Variants in OCM observed in about 807,000 individuals in gnomAD.
The protein encoded by OCM is oncomodulin.
OCM carries 18 observed loss-of-function variants against 14.1 expected under a neutral mutation model. That is an observed-to-expected ratio of 1.28 (90% CI 0.88 to 1.89). The LOEUF is 1.89. Among genes scored for constraint, OCM ranks in the 40% most tolerant of loss-of-function variants. The pLI, the probability that OCM is intolerant of heterozygous loss-of-function variation, is 0.00. For synonymous variants in OCM, 48 were observed against 51.0 expected, an observed-to-expected ratio of 0.94 and a Z score of 0.25; for missense variants, 140 against 137.6, an observed-to-expected ratio of 1.02 and a Z score of -0.09.
chr7:5,877,365 G>C (rs1781114991), upstream of OCM, among the ~76,000 whole-genome samples: 6 of 151,668 alleles, frequency 4.0e-5, no homozygotes, highest in Admixed American at 3.9e-4. Context: ...CCTCCTGGGA[G>C]GCTGAGCTGG....
At chr7:5,871,632 G>A in the OCM span, 2 of 152,146 alleles carry the variant, frequency 1.3e-5, no homozygotes, top group East Asian at 3.8e-4. Context: ...TGTGAGACCT[G>A]TAGTCTTCAG....
At chr7:5,868,789 A>G in the OCM span, among the ~76,000 whole-genome samples, 1 of 152,136 alleles carries the variant, frequency 6.6e-6, no homozygotes, top group Non-Finnish European at 1.5e-5. Context: ...CAGGCCGAGC[A>G]CGGTGGCTGA....
the OCM span, among the ~76,000 whole-genome samples, chr7:5,874,396 A>C: frequency 6.6e-6 from 1 of 151,490 alleles, no homozygotes; most frequent in South Asian, 2.1e-4. Flanking sequence ...CATTACATAA[A>C]TATGCAAATA....
intron 1 of OCM, among the ~76,000 whole-genome samples, chr7:5,881,212 G>A (rs1215973332): frequency 2.0e-5 from 3 of 151,506 alleles, no homozygotes; most frequent in South Asian, 2.1e-4. Context: ...CCAGCTACTC[G>A]GGAGGCTGAG....
chr7:5,885,939 G>C, intron 3 of OCM, 125 bp from the exon 4 acceptor site: 2 of 839,642 alleles, frequency 2.4e-6, no homozygotes, highest in Non-Finnish European at 4.0e-6. Flanking sequence ...CCTCCAAGGG[G>C]GCCATGCCCA....
the OCM span, among the ~76,000 whole-genome samples, chr7:5,871,176 C>A: frequency 1.1e-4 from 17 of 151,538 alleles, no homozygotes; most frequent in East Asian, 2.7e-3. Context: ...GTGAGAGCCC[C>A]CCCCCCGTCT....
upstream of OCM, among the ~76,000 whole-genome samples, chr7:5,877,822 A>C: frequency 2.7e-5 from 1 of 37,068 alleles, no homozygotes; most frequent in East Asian, 4.7e-4. Flanking sequence ...TCCATCTCAA[A>C]AAAAAAAAAA....
the OCM span, among the ~76,000 whole-genome samples, chr7:5,869,044 C>A: frequency 6.6e-6 from 1 of 152,076 alleles, no homozygotes; most frequent in Admixed American, 6.5e-5. Context: ...GCCTGGGCAA[C>A]AGAGTGAGAC....
the OCM span, among the ~76,000 whole-genome samples, chr7:5,861,267 C>G: frequency 7.9e-4 from 120 of 152,046 alleles, no homozygotes; most frequent in Middle Eastern, 0.01. Context: ...ACTAAAAATA[C>G]AAAATTAGCC....
At chr7:5,869,946 G>A in the OCM span, among the ~76,000 whole-genome samples, 1 of 152,136 alleles carries the variant, frequency 6.6e-6, no homozygotes, top group Non-Finnish European at 1.5e-5. Flanking sequence ...AAACTGACAA[G>A]CGGTTAAATA....
At position 5,882,085 on chromosome 7, in the gene OCM, C is replaced by CAA. The variant is rs60321561; in HGVS notation, c.62-375_62-374dup. Among the ~76,000 whole-genome samples the CAA allele has an allele frequency of 8.6e-3, 395 of 45,962 alleles. 23 individuals carry two copies. The highest frequency in any genetic ancestry group is 0.031 in the East Asian group (31 of 1,006). 30.2% of individuals were successfully genotyped at this position (45,962 alleles called of 152,430 possible). ...CTGGTGACAGAGTGAGACTCTGTCT[C>CAA]AAAAAAAAAAAAAAAAAAAAAAAAA... On this transcript the variant is annotated intron_variant, in intron 1 of 3. Transcript: ENST00000242104.
chr7:5,869,690 C>G, the OCM span, among the ~76,000 whole-genome samples: 21 of 152,124 alleles, frequency 1.4e-4, no homozygotes, highest in South Asian at 6.2e-4. Flanking sequence ...CAGTCCCCTC[C>G]TACCTGCTCC....
At position 5,882,640 on chromosome 7, in the gene OCM, G is replaced by C; in HGVS notation, c.194+15G>C. The C allele has an allele frequency of 6.2e-7, 1 of 1,613,842 alleles. No individual in the cohort carries two copies. Among genetic ancestry groups the C allele is most frequent in the Non-Finnish European group, 8.5e-7 (1 of 1,179,874 alleles). ...GAAGAGCTTAAGTAAGCTTTGTCCT[G>C]AGTCTGTCTGGTACCCGGCACTGCT... On this transcript the variant is annotated intron_variant, in intron 2 of 3. Coordinates refer to ENST00000242104, the MANE Select transcript of OCM (RefSeq NM_001097622.2).
chr7:5,877,617 G>A (rs1243105838), upstream of OCM, among the ~76,000 whole-genome samples: 3 of 151,870 alleles, frequency 2.0e-5, no homozygotes, highest in Admixed American at 2.0e-4. Context: ...TCAGGAGTTC[G>A]AGACCAGCCT....
At chr7:5,860,566 TG>T in the OCM span, among the ~76,000 whole-genome samples, 1 of 64,244 alleles carries the variant, frequency 1.6e-5, no homozygotes, top group East Asian at 7.9e-4. Context: ...TATATATACG[TG>T]TGTATATATA....
chr7:5,867,696 C>G, the OCM span, among the ~76,000 whole-genome samples: 1 of 151,492 alleles, frequency 6.6e-6, no homozygotes, highest in African/African-American at 2.4e-5. Flanking sequence ...TTGTTTCTCT[C>G]TGTGTTTCAG....
chr7:5,879,290 T>C (rs1583170024), upstream of OCM, among the ~76,000 whole-genome samples: 2 of 152,310 alleles, frequency 1.3e-5, no homozygotes, highest in East Asian at 3.9e-4. Flanking sequence ...TTGGGGATGC[T>C]GGTTTGATTT....
At chr7:5,877,917 A>G (rs912172826), upstream of OCM, among the ~76,000 whole-genome samples, 1 of 151,934 alleles carries the variant, frequency 6.6e-6, no homozygotes, top group African/African-American at 2.4e-5. Context: ...GCCAGTCTGA[A>G]AAAGACAAAT....
chr7:5,883,348 C>T (rs1028665739), intron 2 of OCM, among the ~76,000 whole-genome samples: 4 of 151,822 alleles, frequency 2.6e-5, no homozygotes, highest in African/African-American at 9.7e-5. Context: ...GAGACTCTGT[C>T]TCAAATAAAT....
Sources: allele counts gnomAD v4.1 joint callset (sites outside exome capture counted in the v4.1 genomes callset), GRCh38; gene constraint gnomAD v4.1.1; transcripts MANE v1.5; gene names NCBI Gene and HGNC (gene_info 2026-07-23, HGNC 2026-07-21).